The following NSD3 variants were observed in gnomAD, a reference collection of about 807,000 sequenced individuals.
NSD3 encodes histone-lysine N-methyltransferase NSD3.
NSD3 carries 24 observed loss-of-function variants against 160.8 expected under a neutral mutation model. That is an observed-to-expected ratio of 0.15 (90% CI 0.11 to 0.21). The LOEUF is 0.21. Among genes scored for constraint, NSD3 ranks in the 10% least tolerant of loss-of-function variants. The probability of loss-of-function intolerance (pLI) is 1.00; values close to 1 mark genes in which losing one functional copy is unlikely to be tolerated. For missense variants in NSD3, 1,157 were observed against 1,735.9 expected, an observed-to-expected ratio of 0.67 and a Z score of 5.93; for synonymous variants, 520 against 600.0, an observed-to-expected ratio of 0.87 and a Z score of 1.95.
At chr8:38,378,330 C>G (rs1015641569) in intron 1 of NSD3, among the ~76,000 whole-genome samples, 3 of 151,870 alleles carry the variant, frequency 2.0e-5, no homozygotes, top group African/African-American at 7.3e-5. Flanking sequence ...ATAGTGAAAC[C>G]CTGTCTCTAC....
At chr8:38,354,428 C>A (rs943024748) in intron 1 of NSD3, among the ~76,000 whole-genome samples, 1 of 152,194 alleles carries the variant, frequency 6.6e-6, no homozygotes, top group East Asian at 1.9e-4. Flanking sequence ...ATTGTGGAGA[C>A]AACTAAAGAA....
intron 1 of NSD3, among the ~76,000 whole-genome samples, chr8:38,349,921 T>C (rs1810642407): frequency 6.6e-6 from 1 of 150,634 alleles, no homozygotes; most frequent in Non-Finnish European, 1.5e-5. Flanking sequence ...CACCTATGAG[T>C]GAGAACATAC....
chr8:38,309,414 G>A (rs750838407), intron 12 of NSD3, among the ~76,000 whole-genome samples: 5 of 152,214 alleles, frequency 3.3e-5, no homozygotes, highest in African/African-American at 4.8e-5. Flanking sequence ...GTTGCAGTGA[G>A]CTGAGATTGC....
At chr8:38,336,036 G>C (rs1002315053) in intron 4 of NSD3, 1 of 152,198 alleles carries the variant, frequency 6.6e-6, no homozygotes, top group Non-Finnish European at 1.5e-5. Flanking sequence ...TCTATACTGG[G>C]AGAGATTCTT....
chr8:38,309,335 G>A (rs1809479857), intron 12 of NSD3, among the ~76,000 whole-genome samples: 1 of 152,102 alleles, frequency 6.6e-6, no homozygotes, highest in Admixed American at 6.6e-5. Flanking sequence ...GGGCGTGGTG[G>A]TGTGTGCTTG....
Position 38,329,995 on chromosome 8 carries a change from T to C in NSD3, c.1066-102A>G, listed in dbSNP as rs114827567. 4.1e-4 allele frequency: 557 copies of C among 1,372,384 alleles called. No homozygotes were observed. In the African/African-American group the frequency reaches 7.4e-3, roughly 18 times the overall value. 85.0% of individuals were successfully genotyped at this position (1,372,384 alleles called of 1,614,324 possible). Reference sequence around the variant, plus strand: ...ATCCTGTTATCTTTTCAGGTCTACATAAATATCTTCAGGTTCTTTGGTCAA... The same window carrying C: ...ATCCTGTTATCTTTTCAGGTCTACACAAATATCTTCAGGTTCTTTGGTCAA... On this transcript the variant is annotated intron_variant, in intron 5 of 23. Coordinates refer to ENST00000317025, the MANE Select transcript of NSD3 (RefSeq NM_023034.2). The surrounding 1 kb of genome is among the most constrained non-coding windows in gnomAD (Gnocchi z 4.8).
chr8:38,301,030 G>A (rs1809263634), intron 14 of NSD3, among the ~76,000 whole-genome samples: 1 of 152,076 alleles, frequency 6.6e-6, no homozygotes, highest in Non-Finnish European at 1.5e-5. Context: ...GAGTCCAGTG[G>A]CAGATCACAG....
intron 14 of NSD3, 58 bp from the exon 15 acceptor site, chr8:38,299,648 G>A: frequency 2.1e-6 from 3 of 1,443,728 alleles, no homozygotes; most frequent in South Asian, 3.4e-5. Flanking sequence ...GATTCCATGA[G>A]GAAAAAATAA....
In NSD3 at chr8:38,316,431, G is replaced by A. The variant is rs1809665757; in HGVS notation, c.1856-389C>T. Reference sequence around the variant, plus strand: ...AACACACTGTGTAGCTTACAAATATGGTTGCAGAGACATCTCCATCTTGTT... The same window carrying A: ...AACACACTGTGTAGCTTACAAATATAGTTGCAGAGACATCTCCATCTTGTT... On this transcript the variant is annotated intron_variant, in intron 9 of 23. Coordinates refer to ENST00000317025, the MANE Select transcript of NSD3 (RefSeq NM_023034.2). The surrounding 1 kb of genome is among the most constrained non-coding windows in gnomAD (Gnocchi z 4.5). 1.9e-6 allele frequency: 2 copies of A among 1,045,052 alleles called. No homozygotes were observed. The highest frequency in any genetic ancestry group is 3.3e-5 in the African/African-American group (2 of 59,880). The allele number at this position is 1,045,052 out of a possible 1,614,324, so 64.7% of individuals were successfully genotyped here.
intron 14 of NSD3, among the ~76,000 whole-genome samples, chr8:38,302,323 A>G (rs991684663): frequency 6.6e-6 from 1 of 152,264 alleles, no homozygotes; most frequent in African/African-American, 2.4e-5. Flanking sequence ...ATACTTATAA[A>G]AGAACACATA....
Position 38,299,583 on chromosome 8 carries a change from T to C in NSD3, c.2619A>G (p.Ile873Met). The change falls in exon 15 of 24, where the codon ATA becomes ATG. Residue 873 changes from isoleucine to methionine, a missense_variant. Around this residue, in one of 10 missense-constraint regions of NSD3, gnomAD observed 437 missense variants for 576.6 expected, o/e 0.76. Coordinates refer to ENST00000317025, the MANE Select transcript of NSD3 (RefSeq NM_023034.2). The part of the protein sequence containing the change: ...GFCFVCARGL[I>M]VQDHSDPMFS... ...ACATGGGGTCTGAATGGTCCTGAAC[T>C]ATCAGCCCTATACGAAACAAACAGA... 1 of 1,589,728 alleles carries C rather than the reference T, an allele frequency of 6.3e-7. No homozygotes were observed. The highest frequency in any genetic ancestry group is 8.5e-7 in the Non-Finnish European group (1 of 1,169,814).
At position 38,293,784 on chromosome 8, in the gene NSD3, G is replaced by A. The variant is rs189233185; in HGVS notation, c.2915+2012C>T. Among the ~76,000 whole-genome samples the A allele has an allele frequency of 1.3e-4, 19 of 151,602 alleles. No homozygotes were observed. In the East Asian group the frequency reaches 2.1e-3, roughly 17 times the overall value. The stretch of plus-strand genomic sequence containing the variant: ...CTAAAATTACAAAAATTAGCCAGGC[G>A]TGGTGTCAGGTGCCTGTAATCCCAG... On this transcript the variant is annotated intron_variant, in intron 16 of 23. Coordinates refer to ENST00000317025, the MANE Select transcript of NSD3 (RefSeq NM_023034.2).
At chr8:38,295,998 G>A (rs541670876) in intron 15 of NSD3, 46 bp from the exon 16 acceptor site, 3 of 1,505,550 alleles carry the variant, frequency 2.0e-6, no homozygotes, top group African/African-American at 1.4e-5. Flanking sequence ...AGAGGAGAGA[G>A]AAAAAGAAAG....
At chr8:38,354,816 C>G (rs1289140021) in intron 1 of NSD3, among the ~76,000 whole-genome samples, 1 of 152,020 alleles carries the variant, frequency 6.6e-6, no homozygotes, top group African/African-American at 2.4e-5. Flanking sequence ...GTATAAGCCT[C>G]CATTAAATTC....
In NSD3 at chr8:38,376,977, C is replaced by T. The variant is rs538652084; in HGVS notation, c.-45+4822G>A. Among the ~76,000 whole-genome samples the T allele has an allele frequency of 1.1e-4, 17 of 152,154 alleles. 1 individual carries two copies. In the East Asian group the frequency reaches 3.1e-3, roughly 28 times the overall value. On this transcript the variant is annotated intron_variant, in intron 1 of 23. Coordinates refer to ENST00000317025, the MANE Select transcript of NSD3 (RefSeq NM_023034.2). ...ACTAAATGTTAATCGATGTTTTAAACAATGAAATACTTACAAGACTCTTTA... is the reference window on the plus strand; with the variant it reads ...ACTAAATGTTAATCGATGTTTTAAATAATGAAATACTTACAAGACTCTTTA...
chr8:38,275,450 C>T lies in NSD3; in HGVS notation c.*191G>A, dbSNP rs1340942341. On this transcript the variant is annotated 3_prime_UTR_variant, in exon 24 of 24. Transcript: ENST00000317025. ...GAATTTAACCCTCCACAAAAGAATCCCAAACCAACCAAATCAAACAAAAAC... is the reference window on the plus strand; with the variant it reads ...GAATTTAACCCTCCACAAAAGAATCTCAAACCAACCAAATCAAACAAAAAC... 1.7e-6 allele frequency: 1 copy of T among 580,392 alleles called. No individual in the cohort carries two copies. The highest frequency in any genetic ancestry group is 3.0e-6 in the Non-Finnish European group (1 of 334,440). 36.0% of individuals were successfully genotyped at this position (580,392 alleles called of 1,614,324 possible). A position where few individuals can be genotyped will look rare whatever the true frequency, so the allele number is the denominator to read the frequency against.
chr8:38,325,763 G>A (rs377331635), intron 7 of NSD3, among the ~76,000 whole-genome samples: 1 of 151,752 alleles, frequency 6.6e-6, no homozygotes, highest in African/African-American at 2.4e-5. Flanking sequence ...AGGCTGAGGT[G>A]AGAGGATCAC....
At chr8:38,298,273 T>C (rs1485045924) in intron 15 of NSD3, among the ~76,000 whole-genome samples, 1 of 152,224 alleles carries the variant, frequency 6.6e-6, no homozygotes, top group East Asian at 1.9e-4. Context: ...AGAATAATTA[T>C]GGAGTAAGTC....
At chr8:38,338,722 C>T (rs924406934) in intron 2 of NSD3, 115 bp from the exon 3 acceptor site, 4 of 796,412 alleles carry the variant, frequency 5.0e-6, no homozygotes, top group Non-Finnish European at 8.5e-6. Context: ...GAATAAAGGG[C>T]ATTTATTAAC....
Sources: allele counts gnomAD v4.1 joint callset (sites outside exome capture counted in the v4.1 genomes callset), GRCh38; gene constraint gnomAD v4.1.1; regional missense constraint gnomAD v4.1.1; non-coding constraint Gnocchi (gnomAD v3.1); transcripts MANE v1.5; gene names NCBI Gene and HGNC (gene_info 2026-07-23, HGNC 2026-07-21).